Variants in ACTL6A observed in about 807,000 individuals in gnomAD.
The protein encoded by ACTL6A is actin-like protein 6A.
Under a neutral mutation model 59.2 loss-of-function variants are expected in ACTL6A, and 5 were observed. The ratio of observed to expected loss-of-function variants is 0.08; its 90% CI spans 0.04 to 0.18. The LOEUF is 0.18. Among genes scored for constraint, ACTL6A ranks in the 10% least tolerant of loss-of-function variants. The pLI is 1.00. For missense variants in ACTL6A, 285 were observed against 526.9 expected (o/e 0.54, Z 4.49); for synonymous variants, 154 against 171.8 (o/e 0.90, Z 0.81).
In ACTL6A at chr3:179,569,890, A is replaced by G. The variant is rs373325537; in HGVS notation, c.92A>G (p.Asp31Gly). ...YTVRAGYAGEDCPKVDFPTAI... is the reference protein window; with the variant it reads ...YTVRAGYAGEGCPKVDFPTAI... ...GTGAGAGCTGGTTATGCTGGTGAGGACTGCCCCAAGGTAAGTGTAATGTTA... is the reference window on the plus strand; with the variant it reads ...GTGAGAGCTGGTTATGCTGGTGAGGGCTGCCCCAAGGTAAGTGTAATGTTA... Residue 31 changes from aspartate to glycine, a missense_variant, in exon 2 of 14, where the codon GAC (aspartate) becomes GGC (glycine). Asp to Gly is a moderately conservative substitution (Grantham distance 94). Transcript: ENST00000429709. 6.2e-7 allele frequency: 1 copy of G among 1,613,954 alleles called. No homozygotes were observed. The highest frequency in any genetic ancestry group is 1.3e-5 in the African/African-American group (1 of 74,908).
rs751915095 is a variant in ACTL6A, at chr3:179,570,175, G to T, written c.211G>T (p.Asp71Tyr). 20 of 1,614,028 alleles carry T rather than the reference G, an allele frequency of 1.2e-5. No individual in the cohort carries two copies. Among genetic ancestry groups the T allele is most frequent in the Non-Finnish European group, 1.7e-5 (20 of 1,180,036 alleles). Residue 71 changes from aspartate to tyrosine, a missense_variant, in exon 3 of 14, where the codon GAT becomes TAT. Transcript: ENST00000429709. The surrounding 1 kb of genome is among the most constrained non-coding windows in gnomAD (Gnocchi z 4.3). ...GKQGGPTYYI[D>Y]TNALRVPREN... ...ACAAGGCGGTCCCACCTACTACATAGATACTAATGCTCTGCGTGTTCCGAG... is the reference window on the plus strand; with the variant it reads ...ACAAGGCGGTCCCACCTACTACATATATACTAATGCTCTGCGTGTTCCGAG...
intron 13 of ACTL6A, 124 bp downstream of exon 13, chr3:179,586,756 G>C (rs1718506448): frequency 7.7e-6 from 6 of 780,970 alleles, no homozygotes; most frequent in Admixed American, 3.4e-5. Context: ...ATGAGTGGAA[G>C]ACCTAATGGA....
intron 12 of ACTL6A, among the ~76,000 whole-genome samples, chr3:179,586,235 T>G (rs1718482513): frequency 6.6e-6 from 1 of 152,194 alleles, no homozygotes; most frequent in Non-Finnish European, 1.5e-5. Context: ...AGTCTGTACA[T>G]TAGTCTAACC....
rs1718576520 is a variant in ACTL6A at position 179,588,374 on chromosome 3, G to GAATT, written c.*367_*370dup. On this transcript the variant is annotated 3_prime_UTR_variant, in exon 14 of 14. Transcript: ENST00000429709. ...CTATGCTTTTTACCTTAGGCTTACA[G>GAATT]AATTAAATAAAAATTAGCCATTCCA... 1.0e-5 allele frequency: 2 copies of GAATT among 192,770 alleles called. No homozygotes were observed. The highest frequency in any genetic ancestry group is 2.9e-4 in the South Asian group (2 of 6,960). The allele number at this position is 192,770 out of a possible 1,614,324, so 11.9% of individuals were successfully genotyped here. A position where few individuals can be genotyped will look rare whatever the true frequency, so the allele number is the denominator to read the frequency against.
At chr3:179,575,609 ACTC>A (rs1316340331) in intron 5 of ACTL6A, 15 of 367,878 alleles carry the variant, frequency 4.1e-5, no homozygotes, top group Admixed American at 3.7e-4. Flanking sequence ...GAATGTCCCT[ACTC>A]CTAAACATCA....
At chr3:179,586,722 G>A (rs2108373311) in intron 13 of ACTL6A, 90 bp downstream of exon 13, 1 of 1,082,734 alleles carries the variant, frequency 9.2e-7, no homozygotes, top group East Asian at 2.8e-5. Flanking sequence ...TGCTTCATTT[G>A]TCTGTGCATT....
intron 13 of ACTL6A, among the ~76,000 whole-genome samples, chr3:179,587,464 C>A (rs1193592913): frequency 6.6e-6 from 1 of 151,976 alleles, no homozygotes; most frequent in Non-Finnish European, 1.5e-5. Flanking sequence ...ACCATAAAGG[C>A]AAGGCTAAAT....
intron 12 of ACTL6A, among the ~76,000 whole-genome samples, chr3:179,584,967 T>C (rs1718441550): frequency 6.6e-6 from 1 of 152,260 alleles, no homozygotes; most frequent in Non-Finnish European, 1.5e-5. Context: ...GCCACATTTC[T>C]ATTATTAAAA....
chr3:179,576,182 C>T, intron 5 of ACTL6A, 35 bp from the exon 6 acceptor site: 3 of 1,495,366 alleles, frequency 2.0e-6, no homozygotes, highest in Non-Finnish European at 2.8e-6. Context: ...TTTTAGCGGC[C>T]TTGATACTTT....
In ACTL6A at chr3:179,562,955, C is replaced by G; in HGVS notation, c.-138C>G. 8.7e-7 allele frequency: 1 copy of G among 1,153,256 alleles called. No individual in the cohort carries two copies. The allele number at this position is 1,153,256 out of a possible 1,614,324, so 71.4% of individuals were successfully genotyped here. A position where few individuals can be genotyped will look rare whatever the true frequency, so the allele number is the denominator to read the frequency against. ...GTGGCTGAGCTCCGGGGTGTGTGGA[C>G]GCCGCTTTGTTGCCTGAGGTGGGTG... On this transcript the variant is annotated 5_prime_UTR_variant, in exon 1 of 14. Transcript: ENST00000429709.
chr3:179,574,583 C>T, intron 5 of ACTL6A, 116 bp downstream of exon 5: 1 of 752,106 alleles, frequency 1.3e-6, no homozygotes, highest in Non-Finnish European at 2.3e-6. Context: ...GTTTTTTTCC[C>T]TTTTCTCTTG....
At chr3:179,577,204 T>C (rs1718194211) in intron 8 of ACTL6A, among the ~76,000 whole-genome samples, 2 of 152,220 alleles carry the variant, frequency 1.3e-5, no homozygotes, top group Non-Finnish European at 2.9e-5. Context: ...TCACTTGGAT[T>C]ACTATGGTGA....
At chr3:179,573,080 C>G (rs183684603) in intron 3 of ACTL6A, among the ~76,000 whole-genome samples, 23 of 151,108 alleles carry the variant, frequency 1.5e-4, no homozygotes, top group Middle Eastern at 3.4e-3. Flanking sequence ...TTCTGGGCCT[C>G]TAATAAGTAT....
chr3:179,572,228 T>A (rs1400400504), intron 3 of ACTL6A, among the ~76,000 whole-genome samples: 1 of 151,736 alleles, frequency 6.6e-6, no homozygotes, highest in Non-Finnish European at 1.5e-5. Context: ...AGGGAACAAT[T>A]AGGGATGTAG....
At chr3:179,576,193 C>A (rs750041679) in intron 5 of ACTL6A, 24 bp from the exon 6 acceptor site, 1 of 1,580,550 alleles carries the variant, frequency 6.3e-7, no homozygotes, top group Non-Finnish European at 8.7e-7. Context: ...TTGATACTTT[C>A]TTTTCCTTAA....
At chr3:179,573,510 T>C in intron 4 of ACTL6A, 41 bp downstream of exon 4, 1 of 1,333,998 alleles carries the variant, frequency 7.5e-7, no homozygotes, top group Non-Finnish European at 9.8e-7. Flanking sequence ...TCTAGTTGTT[T>C]TTTTTTTTTC....
At position 179,588,038 on chromosome 3, in the gene ACTL6A, T is replaced by A; in HGVS notation, c.*28T>A. ...AAGAGTTCCCAAGCTTCTACCTTCC[T>A]TTTGTCACCTTACGTTTCATAGCTT... On this transcript the variant is annotated 3_prime_UTR_variant, in exon 14 of 14. Coordinates refer to ENST00000429709, the MANE Select transcript of ACTL6A (RefSeq NM_004301.5). The A allele has an allele frequency of 6.6e-7, 1 of 1,521,732 alleles. No homozygotes were observed. The highest frequency in any genetic ancestry group is 8.9e-7 in the Non-Finnish European group (1 of 1,118,942). 94.3% of individuals were successfully genotyped at this position (1,521,732 alleles called of 1,614,324 possible).
intron 8 of ACTL6A, among the ~76,000 whole-genome samples, chr3:179,579,455 T>TACACAC (rs10650822): frequency 0.064 from 9,303 of 145,098 alleles, 516 homozygotes; most frequent in African/African-American, 0.15. Flanking sequence ...TTATATCATA[T>TACACAC]ACACACACAC....
In ACTL6A at chr3:179,563,863, G is replaced by A. The variant is rs56274449; in HGVS notation, c.25+746G>A. Among the ~76,000 whole-genome samples the A allele has an allele frequency of 9.6e-3, 1,461 of 152,280 alleles. 25 individuals carry two copies. The highest frequency in any genetic ancestry group is 0.033 in the African/African-American group (1,389 of 41,548). Reference sequence around the variant, plus strand: ...TGATTAGACTGTGGTGTGGTAGGAAGATTACCAGGTGCCGGGGGTTACAGA... The same window carrying A: ...TGATTAGACTGTGGTGTGGTAGGAAAATTACCAGGTGCCGGGGGTTACAGA... On this transcript the variant is annotated intron_variant, in intron 1 of 13. Transcript: ENST00000429709.
Sources: allele counts gnomAD v4.1 joint callset (sites outside exome capture counted in the v4.1 genomes callset), GRCh38; gene constraint gnomAD v4.1.1; non-coding constraint Gnocchi (gnomAD v3.1); transcripts MANE v1.5; gene names NCBI Gene and HGNC (gene_info 2026-07-23, HGNC 2026-07-21).